Variants in PPP1R9B observed in about 807,000 individuals in gnomAD.
PPP1R9B encodes the protein neurabin-2.
A neutral mutation model predicts 75.8 loss-of-function variants in PPP1R9B; 17 were observed. The ratio of observed to expected loss-of-function variants is 0.22; its 90% CI spans 0.15 to 0.34. PPP1R9B has a LOEUF of 0.34. Among genes scored for constraint, PPP1R9B ranks in the 10% least tolerant of loss-of-function variants. PPP1R9B has a pLI of 1.00. For missense variants in PPP1R9B, 875 were observed against 1,196.0 expected (o/e 0.73, Z 3.96); for synonymous variants, 509 against 535.4 (o/e 0.95, Z 0.68).
At chr17:50,147,942 G>C (rs1260165474) in intron 1 of PPP1R9B, among the ~76,000 whole-genome samples, 2 of 152,240 alleles carry the variant, frequency 1.3e-5, no homozygotes, top group African/African-American at 4.8e-5. Context: ...CAAGCAAACA[G>C]ATGGTGCTTT....
chr17:50,141,487 C>T, intron 3 of PPP1R9B, 114 bp from the exon 4 acceptor site: 1 of 607,480 alleles, frequency 1.6e-6, no homozygotes, highest in East Asian at 3.1e-5. Context: ...AGTGAGAACT[C>T]ATCTCTACAA....
chr17:50,139,546 C>T lies in PPP1R9B; in HGVS notation c.1902G>A (p.Leu634=). 6.3e-7 allele frequency: 1 copy of T among 1,585,564 alleles called. No homozygotes were observed. The highest frequency in any genetic ancestry group is 8.6e-7 in the Non-Finnish European group (1 of 1,164,946). The part of the protein sequence containing the change: ...GEYATDEDEE[L]SPTFPGGEMA... ...TCTCACCACCCGGGAACGTGGGGCT[C>T]AGCTCCTCATCCTCGTCAGTGGCAT... The change falls in exon 6 of 10, where the codon CTG becomes CTA. Residue 634 remains leucine (L), a synonymous_variant. Coordinates refer to ENST00000612501, the MANE Select transcript of PPP1R9B (RefSeq NM_032595.5). The surrounding 1 kb of genome is among the most constrained non-coding windows in gnomAD (Gnocchi z 5.0).
rs1912152478 is a variant in PPP1R9B, at chr17:50,134,328, T to TAG, written c.*1001_*1002dup. ...TCCAGTCAAAACATTGGAAAACCAG[T>TAG]AGGGGGTGGGGGCGAGGCTGACTCC... On this transcript the variant is annotated 3_prime_UTR_variant, in exon 10 of 10. Coordinates refer to ENST00000612501, the MANE Select transcript of PPP1R9B (RefSeq NM_032595.5). The TAG allele has an allele frequency of 6.6e-6, 1 of 152,590 alleles. No individual in the cohort carries two copies. Among genetic ancestry groups the TAG allele is most frequent in the African/African-American group, 2.4e-5 (1 of 41,404 alleles). 9.5% of individuals were successfully genotyped at this position (152,590 alleles called of 1,614,324 possible).
intron 4 of PPP1R9B, among the ~76,000 whole-genome samples, chr17:50,140,994 G>A (rs1240536991): frequency 6.6e-6 from 1 of 152,154 alleles, no homozygotes; most frequent in Non-Finnish European, 1.5e-5. Flanking sequence ...CAGGTAGGGG[G>A]AAGGAGAAGA....
chr17:50,139,146 C>T lies in PPP1R9B; in HGVS notation c.2073+117G>A. 8.7e-7 allele frequency: 1 copy of T among 1,152,886 alleles called. No homozygotes were observed. Among genetic ancestry groups the T allele is most frequent in the Middle Eastern group, 2.0e-4 (1 of 5,068 alleles). 71.4% of individuals were successfully genotyped at this position (1,152,886 alleles called of 1,614,324 possible). On this transcript the variant is annotated intron_variant, in intron 7 of 9. Coordinates refer to ENST00000612501, the MANE Select transcript of PPP1R9B (RefSeq NM_032595.5). The surrounding 1 kb of genome is among the most constrained non-coding windows in gnomAD (Gnocchi z 5.0). ...ATCATATCATCTTGCTTTAGAGCAGCTTGTTCTGTGGGTACCTGTGCCTAA... is the reference window on the plus strand; with the variant it reads ...ATCATATCATCTTGCTTTAGAGCAGTTTGTTCTGTGGGTACCTGTGCCTAA...
chr17:50,150,641 C>A lies in PPP1R9B; in HGVS notation c.-128G>T. On this transcript the variant is annotated 5_prime_UTR_variant, in exon 1 of 10. Coordinates refer to ENST00000612501, the MANE Select transcript of PPP1R9B (RefSeq NM_032595.5). The surrounding 1 kb of genome is among the most constrained non-coding windows in gnomAD (Gnocchi z 8.7). ...CCCCGAAGGCCTTTTTTAGGGTCCC[C>A]CCAAAACCAAGCTGCCAAAAACAGT... 1 of 977,304 alleles carries A rather than the reference C, an allele frequency of 1.0e-6. No homozygotes were observed. The allele number at this position is 977,304 out of a possible 1,614,324, so 60.5% of individuals were successfully genotyped here.
Position 50,135,290 on chromosome 17 carries a change from G to A in PPP1R9B, c.*41C>T, listed in dbSNP as rs1912192014. 1 of 1,553,462 alleles carries A rather than the reference G, an allele frequency of 6.4e-7. No individual in the cohort carries two copies. The highest frequency in any genetic ancestry group is 8.9e-7 in the Non-Finnish European group (1 of 1,126,052). Reference sequence around the variant, plus strand: ...TGAGGACAGGGGAGGGAGGACAATGGGAGGGGGGTTAATTATTGTCCAGTC... The same window carrying A: ...TGAGGACAGGGGAGGGAGGACAATGAGAGGGGGGTTAATTATTGTCCAGTC... On this transcript the variant is annotated 3_prime_UTR_variant, in exon 10 of 10. Transcript: ENST00000612501.
chr17:50,139,513 G>C lies in PPP1R9B; in HGVS notation c.1935C>G (p.Ile645Met). ...CGTTCTCCGCTAGCTCAAACACCTC[G>C]ATGGCCATCTCACCACCCGGGAACG... The part of the protein sequence containing the change: ...SPTFPGGEMA[I>M]EVFELAENED... Residue 645 changes from isoleucine to methionine, a missense_variant, in exon 6 of 10, where the codon ATC becomes ATG. Physicochemically the swap from Ile to Met is conservative, Grantham distance 10 (BLOSUM62 1). Transcript: ENST00000612501. The surrounding 1 kb of genome is among the most constrained non-coding windows in gnomAD (Gnocchi z 5.0). The C allele has an allele frequency of 6.2e-7, 1 of 1,600,308 alleles. No individual in the cohort carries two copies. The highest frequency in any genetic ancestry group is 8.5e-7 in the Non-Finnish European group (1 of 1,171,876).
At chr17:50,145,527 A>AGAC in intron 1 of PPP1R9B, among the ~76,000 whole-genome samples, 1 of 152,320 alleles carries the variant, frequency 6.6e-6, no homozygotes, top group African/African-American at 2.4e-5. Flanking sequence ...TGCCATAGGC[A>AGAC]CAGAAGGGGA....
At position 50,134,711 on chromosome 17, in the gene PPP1R9B, G is replaced by GCAGGGC. The variant is rs1301077919; in HGVS notation, c.*614_*619dup. 5 of 154,892 alleles carry GCAGGGC rather than the reference G, an allele frequency of 3.2e-5. No homozygotes were observed. The highest frequency in any genetic ancestry group is 5.7e-5 in the Non-Finnish European group (4 of 69,690). The allele number at this position is 154,892 out of a possible 1,614,324, so 9.6% of individuals were successfully genotyped here. ...CCCGAAGGACACATGAGAAATCAGT[G>GCAGGGC]CAGGGCCAGGGCCAGGCCCAGCCTC... On this transcript the variant is annotated 3_prime_UTR_variant, in exon 10 of 10. Transcript: ENST00000612501.
Position 50,135,345 on chromosome 17 carries a change from A to G in PPP1R9B, c.2440T>C (p.Ser814Pro). 6.2e-7 allele frequency: 1 copy of G among 1,613,418 alleles called. No individual in the cohort carries two copies. The highest frequency in any genetic ancestry group is 8.5e-7 in the Non-Finnish European group (1 of 1,179,514). Reference sequence around the variant, plus strand: ...AATGATTCCTGTTAAGTAGAATTGGAATTCCTCAGTGTTTGCAAGTTTCCT... The same window carrying G: ...AATGATTCCTGTTAAGTAGAATTGGGATTCCTCAGTGTTTGCAAGTTTCCT... ...LEGNLQTLRN[S>P]NST Residue 814 changes from serine to proline, a missense_variant, in exon 10 of 10, where the codon TCC becomes CCC. Transcript: ENST00000612501.
Position 50,150,661 on chromosome 17 carries a change from A to C in PPP1R9B, c.-148T>G, listed in dbSNP as rs931003025. 3 of 760,384 alleles carry C rather than the reference A, an allele frequency of 3.9e-6. No individual in the cohort carries two copies. Among genetic ancestry groups the C allele is most frequent in the Non-Finnish European group, 5.4e-6 (3 of 558,424 alleles). 47.1% of individuals were successfully genotyped at this position (760,384 alleles called of 1,614,324 possible). A position where few individuals can be genotyped will look rare whatever the true frequency, so the allele number is the denominator to read the frequency against. ...GTCCCCCCAAAACCAAGCTGCCAAA[A>C]ACAGTTAATCCCGCTTTAAAAAAAA... is the stretch of plus-strand genomic sequence containing the variant. On this transcript the variant is annotated 5_prime_UTR_variant, in exon 1 of 10. Transcript: ENST00000612501. The surrounding 1 kb of genome is among the most constrained non-coding windows in gnomAD (Gnocchi z 8.7).
At chr17:50,145,726 T>G (rs1355245214) in intron 1 of PPP1R9B, among the ~76,000 whole-genome samples, 10 of 115,606 alleles carry the variant, frequency 8.7e-5, no homozygotes, top group South Asian at 2.9e-4. Context: ...GAATGCCAGA[T>G]GGGGAGAGAG....
In PPP1R9B at chr17:50,140,142, C is replaced by T. The variant is rs748530841; in HGVS notation, c.1817G>A (p.Arg606Gln). The change falls in exon 5 of 10, where the codon CGG (arginine) becomes CAG (glutamine). Residue 606 changes from arginine (R) to glutamine (Q), a missense_variant. Around this residue, in one of 4 missense-constraint regions of PPP1R9B, gnomAD observed 218 missense variants for 334.6 expected, o/e 0.65. Coordinates refer to ENST00000612501, the MANE Select transcript of PPP1R9B (RefSeq NM_032595.5). ...QQTLEQERWQ[R>Q]EMMEQRYAQY... ...GGCGTATCTCTGCTCCATCATCTCC[C>T]GCTGCCATCGCTCCTGTTCCAAAGT... The T allele has an allele frequency of 1.4e-5, 23 of 1,613,186 alleles. No individual in the cohort carries two copies. The highest frequency in any genetic ancestry group is 1.9e-5 in the Non-Finnish European group (22 of 1,179,686).
In PPP1R9B at chr17:50,139,244, C is replaced by T. The variant is rs1912307358; in HGVS notation, c.2073+19G>A. ...ACACACATGCACGCACGCAAAAGCA[C>T]ACACATACGCACCCTTACCTTTCTT... On this transcript the variant is annotated intron_variant, in intron 7 of 9. Coordinates refer to ENST00000612501, the MANE Select transcript of PPP1R9B (RefSeq NM_032595.5). The surrounding 1 kb of genome is among the most constrained non-coding windows in gnomAD (Gnocchi z 5.0). 6.2e-7 allele frequency: 1 copy of T among 1,613,932 alleles called. No individual in the cohort carries two copies. Among genetic ancestry groups the T allele is most frequent in the Non-Finnish European group, 8.5e-7 (1 of 1,179,876 alleles).
In PPP1R9B at chr17:50,136,168, G is replaced by C. The variant is rs774069258; in HGVS notation, c.2103C>G (p.Arg701=). The C allele has an allele frequency of 3.7e-6, 6 of 1,602,112 alleles. No homozygotes were observed. The African/African-American group carries it at 8.0e-5, about 21-fold the overall frequency. ...CCAACTGCGCCTTCTCCACCCGCCA[G>C]CGCCCCTTCTCCTGCTCCAGGCTCT... ...KLQSLEQEKG[R]WRVEKAQLEQ... The change falls in exon 8 of 10, where the codon CGC becomes CGG. Residue 701 remains arginine, a synonymous_variant. Transcript: ENST00000612501.
chr17:50,141,458 C>T, intron 3 of PPP1R9B, 85 bp from the exon 4 acceptor site: 1 of 824,978 alleles, frequency 1.2e-6, no homozygotes, highest in Non-Finnish European at 1.9e-6. Flanking sequence ...AAACTCCAGG[C>T]TCCCCAGCCT....
intron 2 of PPP1R9B, among the ~76,000 whole-genome samples, chr17:50,144,451 C>T (rs1030312044): frequency 1.3e-5 from 2 of 152,220 alleles, no homozygotes; most frequent in African/African-American, 4.8e-5. Flanking sequence ...ACATCACAGC[C>T]TGGTGTGGTC....
intron 7 of PPP1R9B, among the ~76,000 whole-genome samples, chr17:50,136,514 G>A (rs1407095789): frequency 6.6e-6 from 1 of 152,148 alleles, no homozygotes; most frequent in African/African-American, 2.4e-5. Context: ...TATCCCATCT[G>A]TAAAATGGCA....
Sources: gnomAD v4.1 joint callset for allele counts (sites outside exome capture counted in the v4.1 genomes callset) on GRCh38, gnomAD v4.1.1 for gene constraint, gnomAD v4.1.1 regional missense constraint, Gnocchi (gnomAD v3.1) non-coding constraint, MANE v1.5 for transcripts, NCBI Gene and HGNC (gene_info 2026-07-23, HGNC 2026-07-21) for gene names.